Variants in CNTNAP2 observed in about 807,000 individuals in gnomAD.
CNTNAP2 encodes contactin-associated protein-like 2.
A neutral mutation model predicts 155.2 loss-of-function variants in CNTNAP2; 98 were observed. The ratio of observed to expected loss-of-function variants is 0.63; its 90% confidence interval spans 0.54 to 0.75. The LOEUF (loss-of-function observed/expected upper bound fraction) is 0.75, where lower values mean the gene tolerates loss of function less well. CNTNAP2 is among the 30% of genes least tolerant of loss of function. The pLI is 0.00. For synonymous variants in CNTNAP2, 651 were observed against 631.2 expected (o/e 1.03, Z -0.47); for missense variants, 1,727 against 1,688.1 (o/e 1.02, Z -0.40).
chr7:147,633,016 G>A (rs998277384), intron 12 of CNTNAP2, among the ~76,000 whole-genome samples: 3 of 152,302 alleles, frequency 2.0e-5, no homozygotes, highest in Admixed American at 6.5e-5. Context: ...AGAAAACTCC[G>A]TTTTCTGGTG....
chr7:147,654,808 C>CTTTTTTTTTTTTTTTTT (rs1186575442), intron 13 of CNTNAP2, among the ~76,000 whole-genome samples: 1 of 97,342 alleles, frequency 1.0e-5, no homozygotes, highest in Admixed American at 1.4e-4. Context: ...AAATATATTT[C>CTTTTTTTTTTTTTTTTT]TTTTTTTTTT....
intron 13 of CNTNAP2, among the ~76,000 whole-genome samples, chr7:147,889,853 A>G (rs1799658396): frequency 6.6e-6 from 1 of 152,204 alleles, no homozygotes; most frequent in South Asian, 2.1e-4. Context: ...AATAACTGTG[A>G]GTCAATGCAC....
At chr7:148,165,209 T>C (rs1805629696) in intron 17 of CNTNAP2, among the ~76,000 whole-genome samples, 1 of 152,216 alleles carries the variant, frequency 6.6e-6, no homozygotes, top group South Asian at 2.1e-4. Flanking sequence ...GACTGCTGTC[T>C]TCTTGCCGTG....
At chr7:146,733,105 A>G (rs992793374) in intron 1 of CNTNAP2, among the ~76,000 whole-genome samples, 6 of 152,102 alleles carry the variant, frequency 3.9e-5, no homozygotes, top group African/African-American at 1.2e-4. Context: ...GAGAATGGAA[A>G]TCCTATGCTG....
intron 1 of CNTNAP2, among the ~76,000 whole-genome samples, chr7:146,567,656 T>G (rs1798377760): frequency 6.6e-6 from 1 of 152,234 alleles, no homozygotes; most frequent in South Asian, 2.1e-4. Context: ...CTTTAACTTT[T>G]AAAAACAGTC....
At chr7:146,538,835 T>C (rs984524395) in intron 1 of CNTNAP2, among the ~76,000 whole-genome samples, 13 of 152,038 alleles carry the variant, frequency 8.6e-5, no homozygotes, top group African/African-American at 2.9e-4. Flanking sequence ...TGGAATTATT[T>C]TAAACATTAT....
At chr7:147,757,955 A>T (rs1275654841) in intron 13 of CNTNAP2, among the ~76,000 whole-genome samples, 2 of 152,204 alleles carry the variant, frequency 1.3e-5, no homozygotes, top group African/African-American at 2.4e-5. Flanking sequence ...CCCACTGAAA[A>T]ACAAACATGC....
intron 1 of CNTNAP2, among the ~76,000 whole-genome samples, chr7:146,498,149 G>C (rs1797247733): frequency 6.6e-6 from 1 of 152,112 alleles, no homozygotes; most frequent in African/African-American, 2.4e-5. Flanking sequence ...GCCTATCAAT[G>C]CAACTGGCAT....
chr7:147,971,264 G>A (rs1472639946), intron 14 of CNTNAP2, among the ~76,000 whole-genome samples: 1 of 152,008 alleles, frequency 6.6e-6, no homozygotes, highest in East Asian at 1.9e-4. Context: ...ACTATCTACA[G>A]TTCTTTTTTT....
chr7:148,400,794 A>G (rs1173797110), intron 22 of CNTNAP2, among the ~76,000 whole-genome samples: 1 of 152,138 alleles, frequency 6.6e-6, no homozygotes, highest in African/African-American at 2.4e-5. Context: ...AGCCTAACCA[A>G]CATGGTGAAA....
intron 2 of CNTNAP2, among the ~76,000 whole-genome samples, chr7:146,816,368 C>G (rs1206238715): frequency 2.6e-5 from 4 of 151,962 alleles, no homozygotes; most frequent in Admixed American, 1.3e-4. Context: ...GAAGAGGATT[C>G]GGTGGAGAGA....
chr7:148,360,337 A>G lies in CNTNAP2; in HGVS notation c.3476-23312A>G, dbSNP rs192267484. On this transcript the variant is annotated intron_variant, in intron 21 of 23. Transcript: ENST00000361727. ...GTTACCAAGCAATTGAGTGGTGAAGAGAACAGGCATGAAGAAAAGAGAACA... is the reference window on the plus strand; with the variant it reads ...GTTACCAAGCAATTGAGTGGTGAAGGGAACAGGCATGAAGAAAAGAGAACA... Among the ~76,000 whole-genome samples the G allele has an allele frequency of 1.6e-4, 24 of 152,372 alleles. No individual in the cohort carries two copies. In the East Asian group the frequency reaches 4.6e-3, roughly 29 times the overall value.
intron 23 of CNTNAP2, among the ~76,000 whole-genome samples, chr7:148,414,571 C>G (rs1799934103): frequency 6.7e-6 from 1 of 148,846 alleles, no homozygotes; most frequent in Non-Finnish European, 1.5e-5. Context: ...ATTCCATGCT[C>G]TGTCCTTTCT....
chr7:147,236,216 T>C (rs1803800083), intron 8 of CNTNAP2, among the ~76,000 whole-genome samples: 1 of 152,218 alleles, frequency 6.6e-6, no homozygotes, highest in African/African-American at 2.4e-5. Context: ...TAACACTTCA[T>C]ATCAAGCCAT....
At chr7:147,108,953 T>TA (rs774504147) in intron 5 of CNTNAP2, among the ~76,000 whole-genome samples, 2 of 152,152 alleles carry the variant, frequency 1.3e-5, no homozygotes, top group Non-Finnish European at 2.9e-5. Context: ...CCGCCGTGCA[T>TA]AAATGCTGTG....
intron 1 of CNTNAP2, among the ~76,000 whole-genome samples, chr7:146,594,012 G>T (rs1219748026): frequency 6.6e-6 from 1 of 152,166 alleles, no homozygotes; most frequent in African/African-American, 2.4e-5. Flanking sequence ...TGAAGGGAAT[G>T]ATATCTGATG....
intron 3 of CNTNAP2, among the ~76,000 whole-genome samples, chr7:146,916,200 T>C (rs1796390850): frequency 6.6e-6 from 1 of 152,178 alleles, no homozygotes; most frequent in African/African-American, 2.4e-5. Flanking sequence ...CTTTTTGATA[T>C]GCTGTTGGAC....
chr7:146,214,795 C>G (rs965610033), intron 1 of CNTNAP2, among the ~76,000 whole-genome samples: 2 of 152,050 alleles, frequency 1.3e-5, no homozygotes, highest in Non-Finnish European at 2.9e-5. Flanking sequence ...AGAAAAATAA[C>G]ATTAGTAGAA....
At chr7:148,218,086 A>G (rs1459631865) in intron 19 of CNTNAP2, among the ~76,000 whole-genome samples, 1 of 152,276 alleles carries the variant, frequency 6.6e-6, no homozygotes, top group Non-Finnish European at 1.5e-5. Flanking sequence ...TGATCGTGCC[A>G]CTGCACTCCA....
Sources: gnomAD v4.1 joint callset for allele counts (sites outside exome capture counted in the v4.1 genomes callset) on GRCh38, gnomAD v4.1.1 for gene constraint, MANE v1.5 for transcripts, NCBI Gene and HGNC (gene_info 2026-07-23, HGNC 2026-07-21) for gene names.